EBF2: variants seen among roughly 807,000 people sequenced by gnomAD.
EBF2 encodes the protein EBF transcription factor 2.
EBF2 carries 21 observed loss-of-function variants against 72.8 expected under a neutral mutation model. That is an observed-to-expected ratio of 0.29 (90% confidence interval 0.20 to 0.42). The LOEUF is 0.42. EBF2 is among the 10% of genes least tolerant of loss of function. EBF2 has a pLI of 1.00. For missense variants in EBF2, 637 were observed against 731.2 expected, an observed-to-expected ratio of 0.87 and a Z score of 1.49; for synonymous variants, 299 against 274.2, an observed-to-expected ratio of 1.09 and a Z score of -0.89.
chr8:25,897,554 C>G (rs994327928), intron 7 of EBF2, among the ~76,000 whole-genome samples: 1 of 152,112 alleles, frequency 6.6e-6, no homozygotes, highest in African/African-American at 2.4e-5. Flanking sequence ...GTCTATTACC[C>G]CCATCTTTAT....
In EBF2 at chr8:25,850,594, C is replaced by A; in HGVS notation, c.1696G>T (p.Ala566Ser). Reference sequence around the variant, plus strand: ...TCCCCAAAATAGAACCCTTGCTTACCTCTGAATCCATTTCCATTGCCGCTG... The same window carrying A: ...TCCCCAAAATAGAACCCTTGCTTACATCTGAATCCATTTCCATTGCCGCTG... ...CSSGNGNGFR[A>S]MTGLVVPPM The change falls in exon 15 of 16, where the codon GCC becomes TCC. Residue 566 changes from alanine to serine, a missense_variant and splice_region_variant. By Grantham distance (99) the Ala-to-Ser change is moderately conservative (BLOSUM62 1). This residue lies in a region of EBF2 where 259 missense variants were observed against 268.1 expected (regional missense o/e 0.97). Transcript: ENST00000520164. The A allele has an allele frequency of 1.3e-6, 2 of 1,555,390 alleles. No individual in the cohort carries two copies. The highest frequency in any genetic ancestry group is 8.6e-7 in the Non-Finnish European group (1 of 1,159,822).
At chr8:25,853,318 ATAGCTC>A (rs1277809321) in intron 14 of EBF2, among the ~76,000 whole-genome samples, 2 of 152,250 alleles carry the variant, frequency 1.3e-5, no homozygotes, top group Admixed American at 1.3e-4. Context: ...CATATCCTCA[ATAGCTC>A]ATAAGTTAAT....
intron 6 of EBF2, among the ~76,000 whole-genome samples, chr8:25,965,021 T>C (rs1451080230): frequency 6.6e-6 from 1 of 152,206 alleles, no homozygotes; most frequent in Non-Finnish European, 1.5e-5. Flanking sequence ...CATCAGCACA[T>C]TAATTTATAA....
At chr8:25,912,624 A>G (rs1201191996) in intron 6 of EBF2, among the ~76,000 whole-genome samples, 1 of 152,168 alleles carries the variant, frequency 6.6e-6, no homozygotes, top group East Asian at 1.9e-4. Flanking sequence ...CTAAATGCTT[A>G]ATATTGAAAA....
chr8:25,923,580 G>GTT (rs202213344), intron 6 of EBF2, among the ~76,000 whole-genome samples: 1 of 151,864 alleles, frequency 6.6e-6, no homozygotes, highest in African/African-American at 2.4e-5. Flanking sequence ...TTCAAGTTTT[G>GTT]TTTTTTTTGT....
chr8:26,045,018 G>A lies in EBF2; in HGVS notation c.-159C>T. The A allele has an allele frequency of 1.3e-6, 1 of 784,664 alleles. No individual in the cohort carries two copies. 48.6% of individuals were successfully genotyped at this position (784,664 alleles called of 1,614,324 possible). A position where few individuals can be genotyped will look rare whatever the true frequency, so the allele number is the denominator to read the frequency against. ...CTTAGAAAAAAAAAAAAGATAACCC[G>A]TCCTTTGCTTCACTGGCGAGGTGCG... On this transcript the variant is annotated 5_prime_UTR_variant, in exon 1 of 16. The change creates a new upstream start codon in the 5' untranslated region. Coordinates refer to ENST00000520164, the MANE Select transcript of EBF2 (RefSeq NM_022659.4).
At chr8:25,882,424 C>T (rs984684749) in intron 10 of EBF2, among the ~76,000 whole-genome samples, 6 of 152,168 alleles carry the variant, frequency 3.9e-5, no homozygotes, top group African/African-American at 1.4e-4. Context: ...ATGAAGAGAC[C>T]TGGCTGTACC....
chr8:26,041,227 T>C (rs1585238566), intron 2 of EBF2: 1 of 592,852 alleles, frequency 1.7e-6, no homozygotes, highest in African/African-American at 1.9e-5. Context: ...CAGCCCTCTG[T>C]CTCCCTTAAA....
intron 14 of EBF2, among the ~76,000 whole-genome samples, 175 bp from the exon 15 acceptor site, chr8:25,850,936 A>G (rs187750403): frequency 1.5e-3 from 221 of 152,224 alleles, no homozygotes; most frequent in Non-Finnish European, 2.5e-3. Flanking sequence ...GGAGGAACAG[A>G]CACATAAAAC....
intron 14 of EBF2, among the ~76,000 whole-genome samples, chr8:25,853,908 C>T (rs987000480): frequency 6.6e-6 from 1 of 152,124 alleles, no homozygotes; most frequent in East Asian, 1.9e-4. Flanking sequence ...TAGCAAAACT[C>T]TAGAAGGATG....
At chr8:25,954,679 C>T (rs1294818361) in intron 6 of EBF2, among the ~76,000 whole-genome samples, 5 of 152,206 alleles carry the variant, frequency 3.3e-5, no homozygotes, top group African/African-American at 9.6e-5. Context: ...TGCCCCCACT[C>T]ACTTCCAGCA....
intron 6 of EBF2, among the ~76,000 whole-genome samples, chr8:26,030,912 CAA>C (rs944359534): frequency 7.2e-5 from 11 of 152,124 alleles, no homozygotes; most frequent in Non-Finnish European, 1.5e-4. Context: ...TCTATAGACA[CAA>C]AGATACTTTC....
Position 26,033,122 on chromosome 8 carries a change from G to A in EBF2, c.514C>T (p.Arg172Ter). Residue 172 changes from arginine (R) to a stop codon, truncating the protein, a stop_gained, in exon 6 of 16, where the codon CGA becomes TGA. Coordinates refer to ENST00000520164, the MANE Select transcript of EBF2 (RefSeq NM_022659.4). LOFTEE classifies it high-confidence loss of function. Reference sequence around the variant, plus strand: ...ACTGGGTCCGATGGAGTCTCATTTCGGTTTCCACAGCTTTTCTTTTCGCAG... The same window carrying A: ...ACTGGGTCCGATGGAGTCTCATTTCAGTTTCCACAGCTTTTCTTTTCGCAG... Reference protein sequence around the residue: ...RCCEKKSCGNRNETPSDPVII... With the variant: ...RCCEKKSCGN 1.2e-6 allele frequency: 2 copies of A among 1,614,112 alleles called. No homozygotes were observed. The highest frequency in any genetic ancestry group is 1.7e-6 in the Non-Finnish European group (2 of 1,179,998).
chr8:25,908,149 C>A (rs1346757573), intron 7 of EBF2, among the ~76,000 whole-genome samples: 1 of 152,176 alleles, frequency 6.6e-6, no homozygotes, highest in Non-Finnish European at 1.5e-5. Flanking sequence ...TGAAAAATCC[C>A]AAGGTGGCTG....
intron 6 of EBF2, among the ~76,000 whole-genome samples, chr8:25,994,174 A>C (rs1311605540): frequency 6.6e-6 from 1 of 152,206 alleles, no homozygotes; most frequent in African/African-American, 2.4e-5. Flanking sequence ...AATCAACATA[A>C]ATATGACTAT....
chr8:25,945,096 C>CCT (rs1554572370), intron 6 of EBF2, among the ~76,000 whole-genome samples: 1 of 145,638 alleles, frequency 6.9e-6, no homozygotes, highest in African/African-American at 2.6e-5. Context: ...TTGCCCCCCC[C>CCT]GCCCCACCCC....
At chr8:25,866,486 T>G (rs1488816195) in intron 10 of EBF2, among the ~76,000 whole-genome samples, 2 of 136,280 alleles carry the variant, frequency 1.5e-5, no homozygotes. Context: ...AATATAAAAA[T>G]ATATAATATA....
Position 25,844,552 on chromosome 8 carries a change from C to T in EBF2, c.*57G>A, listed in dbSNP as rs1371467036. 2 of 1,603,376 alleles carry T rather than the reference C, an allele frequency of 1.2e-6. No individual in the cohort carries two copies. The highest frequency in any genetic ancestry group is 1.7e-6 in the Non-Finnish European group (2 of 1,170,438). On this transcript the variant is annotated 3_prime_UTR_variant, in exon 16 of 16. Transcript: ENST00000520164. ...CCCCCAAAAGAGCTCCTAGTGCTTT[C>T]TTCATTATTGGTCCATCAGAGTAAG... is the stretch of plus-strand genomic sequence containing the variant.
chr8:25,903,690 C>A (rs1350451980), intron 7 of EBF2, among the ~76,000 whole-genome samples: 1 of 152,034 alleles, frequency 6.6e-6, no homozygotes, highest in African/African-American at 2.4e-5. Context: ...GAGCGAGACT[C>A]CGTCTCAAAA....
Sources: gnomAD v4.1 joint callset for allele counts (sites outside exome capture counted in the v4.1 genomes callset) on GRCh38, gnomAD v4.1.1 for gene constraint, gnomAD v4.1.1 regional missense constraint, MANE v1.5 for transcripts, NCBI Gene and HGNC (gene_info 2026-07-23, HGNC 2026-07-21) for gene names.